The following KCNAB2 variants were observed in gnomAD, a reference collection of about 807,000 sequenced individuals.
KCNAB2 encodes potassium voltage-gated channel subfamily A regulatory beta subunit 2, also known as voltage-gated potassium channel subunit beta-2.
In KCNAB2, 29 loss-of-function variants were observed where a neutral mutation model predicts 63.6. That is an observed-to-expected ratio of 0.46 (90% CI 0.34 to 0.62). The LOEUF is 0.62. Among genes scored for constraint, KCNAB2 ranks in the 20% least tolerant of loss-of-function variants. The pLI is 0.01. For missense variants in KCNAB2, 359 were observed against 563.9 expected (o/e 0.64, Z 3.68); for synonymous variants, 222 against 224.2 (o/e 0.99, Z 0.09).
intron 1 of KCNAB2, among the ~76,000 whole-genome samples, chr1:6,006,859 G>A (rs1255282029): frequency 6.6e-6 from 1 of 151,426 alleles, no homozygotes; most frequent in African/African-American, 2.4e-5. Flanking sequence ...TTCTTCCAAG[G>A]GCCGTGATTG....
chr1:6,015,281 C>T (rs924179691), intron 1 of KCNAB2, among the ~76,000 whole-genome samples: 4 of 152,142 alleles, frequency 2.6e-5, no homozygotes, highest in African/African-American at 9.7e-5. Flanking sequence ...CCACCCACCT[C>T]GGCCTCCCAA....
At chr1:6,081,265 G>A (rs3789541) in intron 4 of KCNAB2, among the ~76,000 whole-genome samples, 10,549 of 152,296 alleles carry the variant, frequency 0.069, 737 homozygotes, top group East Asian at 0.31. Context: ...ATGTGCCGTT[G>A]GAGAAACACT....
intron 1 of KCNAB2, chr1:6,040,392 C>T (rs1340579974): frequency 6.3e-6 from 4 of 633,146 alleles, no homozygotes; most frequent in Non-Finnish European, 8.8e-6. Context: ...TGCTGAGGGG[C>T]TCCCCGATGC....
At chr1:6,004,981 TGC>T (rs1557920910) in intron 1 of KCNAB2, among the ~76,000 whole-genome samples, 9 of 115,404 alleles carry the variant, frequency 7.8e-5, no homozygotes, top group South Asian at 2.9e-4. Flanking sequence ...GGGATGAGGG[TGC>T]AGGCAGAGAT....
intron 2 of KCNAB2, among the ~76,000 whole-genome samples, chr1:6,052,661 C>T (rs184813248): frequency 2.2e-4 from 34 of 152,290 alleles, no homozygotes; most frequent in Non-Finnish European, 3.2e-4. Flanking sequence ...GTGTAAATCC[C>T]TCTCAATTGC....
intron 1 of KCNAB2, among the ~76,000 whole-genome samples, chr1:6,005,957 T>TC (rs1657664186): frequency 1.3e-4 from 1 of 7,728 alleles, no homozygotes. Flanking sequence ...GCTCAGCTCC[T>TC]ACATTTCCCA....
chr1:6,004,633 T>G (rs1486219622), intron 1 of KCNAB2, among the ~76,000 whole-genome samples: 1 of 150,612 alleles, frequency 6.6e-6, no homozygotes, highest in Admixed American at 6.6e-5. Context: ...CTGTCTCCTC[T>G]TTTTATATGG....
intron 1 of KCNAB2, among the ~76,000 whole-genome samples, chr1:6,016,605 C>G (rs1409892396): frequency 6.6e-6 from 1 of 152,222 alleles, no homozygotes; most frequent in Non-Finnish European, 1.5e-5. Flanking sequence ...GTGCAAGGAG[C>G]TTTTAAGCCA....
intron 1 of KCNAB2, among the ~76,000 whole-genome samples, chr1:6,004,811 A>C (rs140845273): frequency 2.0e-5 from 3 of 152,094 alleles, no homozygotes; most frequent in East Asian, 3.9e-4. Flanking sequence ...CACCCCACAC[A>C]ATAGGTTTCT....
At chr1:6,019,427 C>G (rs1399022615) in intron 1 of KCNAB2, among the ~76,000 whole-genome samples, 1 of 152,244 alleles carries the variant, frequency 6.6e-6, no homozygotes, top group South Asian at 2.1e-4. Context: ...CGTCACACTG[C>G]ACTCTCTGCT....
At chr1:6,037,525 G>A (rs2100433721) in intron 1 of KCNAB2, among the ~76,000 whole-genome samples, 1 of 152,308 alleles carries the variant, frequency 6.6e-6, no homozygotes, top group East Asian at 1.9e-4. Flanking sequence ...GGAGCCTGGG[G>A]GCAGGAACTC....
intron 2 of KCNAB2, 132 bp downstream of exon 2, chr1:6,051,886 C>T (rs1490412073): frequency 1.9e-6 from 2 of 1,078,896 alleles, no homozygotes; most frequent in African/African-American, 1.6e-5. Flanking sequence ...GGTGGATCAC[C>T]TGAGATCAGG....
intron 4 of KCNAB2, among the ~76,000 whole-genome samples, chr1:6,075,692 G>A (rs561687236): frequency 5.4e-4 from 83 of 152,344 alleles, no homozygotes; most frequent in African/African-American, 1.8e-3. Context: ...AGCAAGGACC[G>A]TCCTGGACTG....
Position 6,051,752 on chromosome 1 carries a change from T to A in KCNAB2, c.216T>A (p.Tyr72Ter), listed in dbSNP as rs1420942477. 6.5e-7 allele frequency: 1 copy of A among 1,529,270 alleles called. No individual in the cohort carries two copies. The highest frequency in any genetic ancestry group is 1.2e-5 in the South Asian group (1 of 83,690). 94.7% of individuals were successfully genotyped at this position (1,529,270 alleles called of 1,614,324 possible). Residue 72 changes from tyrosine (Y) to a stop codon, truncating the protein, a stop_gained and splice_region_variant, in exon 2 of 16, where the codon TAT becomes TAA. Coordinates refer to ENST00000378083, the MANE Select transcript of KCNAB2 (RefSeq NM_001199862.2). LOFTEE classifies it high-confidence loss of function. ...CCGCCCAGCGCACAGGCATGAAGTA[T>A]CGGTAAGGGCCGGGCAGGGGGGCGG... is the stretch of plus-strand genomic sequence containing the variant. ...GCTAQRTGMK[Y>*]RNLGKSGLRV...
At chr1:6,011,356 G>A (rs1658135369) in intron 1 of KCNAB2, among the ~76,000 whole-genome samples, 2 of 151,316 alleles carry the variant, frequency 1.3e-5, no homozygotes, top group Non-Finnish European at 2.9e-5. Context: ...CTGTGCCCAG[G>A]GCCAGGTGTG....
At chr1:6,040,720 G>C (rs912443455) in intron 2 of KCNAB2, 3 of 927,780 alleles carry the variant, frequency 3.2e-6, no homozygotes, top group East Asian at 2.5e-5. Context: ...CAAGGCCACT[G>C]TCCTCCCCTC....
chr1:6,007,325 T>C (rs1235943101), intron 1 of KCNAB2: 4 of 152,266 alleles, frequency 2.6e-5, no homozygotes, highest in Admixed American at 6.5e-5. Context: ...GGCCACCCCA[T>C]GTAAAGCAAT....
In KCNAB2 at chr1:6,098,670, G is replaced by T. The variant is rs1665844667; in HGVS notation, c.*96G>T. 1.4e-6 allele frequency: 2 copies of T among 1,454,200 alleles called. No homozygotes were observed. The highest frequency in any genetic ancestry group is 1.9e-6 in the Non-Finnish European group (2 of 1,069,496). The allele number at this position is 1,454,200 out of a possible 1,614,324, so 90.1% of individuals were successfully genotyped here. ...TGAAGCCAAGTGAAGAGTGTGGTTT[G>T]CATCCAAGAGAAAACACCACACTGT... is the stretch of plus-strand genomic sequence containing the variant. On this transcript the variant is annotated 3_prime_UTR_variant, in exon 16 of 16. Transcript: ENST00000378083.
At chr1:6,076,946 G>T (rs1460980721) in intron 4 of KCNAB2, among the ~76,000 whole-genome samples, 1 of 152,220 alleles carries the variant, frequency 6.6e-6, no homozygotes, top group African/African-American at 2.4e-5. Flanking sequence ...AGCACTTTGG[G>T]AGATTGAGGC....
Sources: gnomAD v4.1 joint callset for allele counts (sites outside exome capture counted in the v4.1 genomes callset) on GRCh38, gnomAD v4.1.1 for gene constraint, MANE v1.5 for transcripts, NCBI Gene and HGNC (gene_info 2026-07-23, HGNC 2026-07-21) for gene names.